Variants in EIF5B observed in about 807,000 individuals in gnomAD.
EIF5B encodes eIF-5B.
In EIF5B, 47 loss-of-function variants were observed where a neutral mutation model predicts 147.5. The observed-to-expected ratio is 0.32, with a 90% CI of 0.25 to 0.41. EIF5B has a LOEUF of 0.41. EIF5B is among the 10% of genes least tolerant of loss of function. The pLI, the probability that EIF5B is intolerant of heterozygous loss-of-function variation, is 1.00. For missense variants in EIF5B, 1,064 were observed against 1,413.2 expected (o/e 0.75, Z 3.96); for synonymous variants, 455 against 456.2 (o/e 1.00, Z 0.03).
In EIF5B at chr2:99,379,057, A is replaced by G. The variant is rs369969083; in HGVS notation, c.1881A>G (p.Glu627=). 9.7e-5 allele frequency: 154 copies of G among 1,590,384 alleles called. No individual in the cohort carries two copies. Among genetic ancestry groups the G allele is most frequent in the Non-Finnish European group, 1.1e-5 (13 of 1,171,180 alleles). The change falls in exon 11 of 24, where the codon GAA becomes GAG. Residue 627 remains glutamate (E), a synonymous_variant. Transcript: ENST00000289371. The part of the protein sequence containing the change: ...RLEHSKNVNT[E]KLRAPIICVL... ...AACATAGTAAAAATGTAAACACCGAAAAGCTAAGAGCCCCTATTATCTGCG... is the reference window on the plus strand; with the variant it reads ...AACATAGTAAAAATGTAAACACCGAGAAGCTAAGAGCCCCTATTATCTGCG...
intron 22 of EIF5B, 138 bp downstream of exon 22, chr2:99,397,036 A>G (rs1265277116): frequency 5.1e-6 from 5 of 977,570 alleles, no homozygotes; most frequent in Admixed American, 7.4e-5. Flanking sequence ...CTTCTTAACA[A>G]ATGTTTCAGT....
intron 1 of EIF5B, chr2:99,340,774 T>C (rs1348178072): frequency 6.6e-6 from 1 of 151,868 alleles, no homozygotes; most frequent in Non-Finnish European, 1.5e-5. Flanking sequence ...TGAAAAATCT[T>C]CTTTTTTTTT....
intron 1 of EIF5B, among the ~76,000 whole-genome samples, chr2:99,350,072 TTAACA>T (rs533982583): frequency 1.3e-3 from 201 of 152,334 alleles, no homozygotes; most frequent in South Asian, 5.4e-3. Flanking sequence ...CATCTTTCAC[TTAACA>T]TAATTACATC....
At chr2:99,376,993 C>T (rs938628853) in intron 10 of EIF5B, among the ~76,000 whole-genome samples, 2 of 152,120 alleles carry the variant, frequency 1.3e-5, no homozygotes, top group Admixed American at 6.5e-5. Context: ...AGGTTAGTCA[C>T]CATGAGGCAT....
At position 99,337,431 on chromosome 2, in the gene EIF5B, C is replaced by G. The variant is rs550981365; in HGVS notation, c.-124C>G. On this transcript the variant is annotated 5_prime_UTR_variant, in exon 1 of 24. Coordinates refer to ENST00000289371, the MANE Select transcript of EIF5B (RefSeq NM_015904.4). ...TTCCAGTGCGCGGGTCTGTGGAGAGCCGGGTGCGAGCGGCGGCAGCACGAG... is the reference window on the plus strand; with the variant it reads ...TTCCAGTGCGCGGGTCTGTGGAGAGGCGGGTGCGAGCGGCGGCAGCACGAG... 1.1e-5 allele frequency: 14 copies of G among 1,240,536 alleles called. No individual in the cohort carries two copies. The highest frequency in any genetic ancestry group is 4.5e-5 in the African/African-American group (3 of 66,876). The allele number at this position is 1,240,536 out of a possible 1,614,324, so 76.8% of individuals were successfully genotyped here. A position where few individuals can be genotyped will look rare whatever the true frequency, so the allele number is the denominator to read the frequency against.
intron 8 of EIF5B, among the ~76,000 whole-genome samples, chr2:99,369,902 G>C (rs532501230): frequency 6.6e-6 from 1 of 152,054 alleles, no homozygotes; most frequent in East Asian, 1.9e-4. Context: ...CTTGAACCTG[G>C]GAGGCAGAGG....
At position 99,362,866 on chromosome 2, in the gene EIF5B, C is replaced by T. The variant is rs568695734; in HGVS notation, c.920-779C>T. Among the ~76,000 whole-genome samples, 6 of 151,828 alleles carry T rather than the reference C, an allele frequency of 4.0e-5. 1 individual carries two copies. In the East Asian group the frequency reaches 1.2e-3, roughly 30 times the overall value. On this transcript the variant is annotated intron_variant, in intron 4 of 23. Transcript: ENST00000289371. ...CTCCTCTTTACAGGTTCGAGTGATT[C>T]TCCTGTCTCAGCCTCCCAAGTAGCT...
chr2:99,385,053 T>C (rs1674772025), intron 14 of EIF5B, among the ~76,000 whole-genome samples: 1 of 147,206 alleles, frequency 6.8e-6, no homozygotes, highest in Non-Finnish European at 1.5e-5. Flanking sequence ...GATAAATTTC[T>C]TTTTTTTTTT....
intron 14 of EIF5B, among the ~76,000 whole-genome samples, chr2:99,386,531 G>A (rs1173232297): frequency 1.3e-5 from 2 of 149,042 alleles, no homozygotes; most frequent in African/African-American, 4.9e-5. Context: ...CTGTGTGTGT[G>A]TGTGTTTTTT....
Position 99,337,393 on chromosome 2 carries a change from C to G in EIF5B, c.-162C>G. 1.2e-6 allele frequency: 1 copy of G among 859,340 alleles called. No homozygotes were observed. Among genetic ancestry groups the G allele is most frequent in the Non-Finnish European group, 1.9e-6 (1 of 533,644 alleles). The allele number at this position is 859,340 out of a possible 1,614,324, so 53.2% of individuals were successfully genotyped here. A position where few individuals can be genotyped will look rare whatever the true frequency, so the allele number is the denominator to read the frequency against. Reference sequence around the variant, plus strand: ...GCGCTTGCGCACTGAGAACTCACACCATATGTGTCCTGTTCCAGTGCGCGG... The same window carrying G: ...GCGCTTGCGCACTGAGAACTCACACGATATGTGTCCTGTTCCAGTGCGCGG... On this transcript the variant is annotated 5_prime_UTR_variant, in exon 1 of 24. Coordinates refer to ENST00000289371, the MANE Select transcript of EIF5B (RefSeq NM_015904.4).
intron 10 of EIF5B, among the ~76,000 whole-genome samples, chr2:99,378,587 A>G (rs1674610274): frequency 6.6e-6 from 1 of 152,198 alleles, no homozygotes. Flanking sequence ...AAATCTTTAA[A>G]ATTCTTAGGT....
At chr2:99,373,479 G>C (rs186987724) in intron 9 of EIF5B, among the ~76,000 whole-genome samples, 3 of 152,214 alleles carry the variant, frequency 2.0e-5, no homozygotes, top group Non-Finnish European at 4.4e-5. Flanking sequence ...ACTTTTCTGC[G>C]GGCGTGAATC....
chr2:99,378,068 G>A (rs984253449), intron 10 of EIF5B, among the ~76,000 whole-genome samples: 4 of 152,064 alleles, frequency 2.6e-5, no homozygotes, highest in Non-Finnish European at 5.9e-5. Context: ...TGAGGTTGTC[G>A]GGTACTACTC....
Position 99,360,253 on chromosome 2 carries a change from A to G in EIF5B, c.53A>G (p.Asp18Gly). Residue 18 changes from aspartate (D) to glycine (G), a missense_variant, in exon 2 of 24, where the codon GAT becomes GGT. Transcript: ENST00000289371. ...CATTTAAGCACCAAGGATGACATTG[A>G]TCTTGATGCCTTGGCTGCAGAAATA... ...KSEDSTKDDI[D>G]LDALAAEIEG... 6.2e-7 allele frequency: 1 copy of G among 1,603,714 alleles called. No homozygotes were observed. The highest frequency in any genetic ancestry group is 8.5e-7 in the Non-Finnish European group (1 of 1,177,088).
chr2:99,354,204 A>T (rs539135514), intron 1 of EIF5B, among the ~76,000 whole-genome samples: 60 of 152,180 alleles, frequency 3.9e-4, no homozygotes, highest in South Asian at 6.2e-4. Context: ...GGTTATTATC[A>T]CTATTATGGG....
At chr2:99,365,797 G>A (rs765448066) in intron 6 of EIF5B, among the ~76,000 whole-genome samples, 4 of 151,900 alleles carry the variant, frequency 2.6e-5, no homozygotes, top group Non-Finnish European at 5.9e-5. Flanking sequence ...GTTCCCTATT[G>A]TCTACTAATA....
chr2:99,338,935 T>C, intron 1 of EIF5B, among the ~76,000 whole-genome samples: 1 of 146,752 alleles, frequency 6.8e-6, no homozygotes, highest in South Asian at 2.1e-4. Context: ...TATATATATA[T>C]ATACAAATAT....
chr2:99,369,497 T>A lies in EIF5B; in HGVS notation c.1477+16T>A, dbSNP rs750386999. ...GTTGAACCAGGCGGGTAGTGTTATC[T>A]GATTATTTAATTAGTGAATTCTTAT... On this transcript the variant is annotated intron_variant, in intron 8 of 23. Transcript: ENST00000289371. The A allele has an allele frequency of 6.3e-7, 1 of 1,586,030 alleles. No individual in the cohort carries two copies. The highest frequency in any genetic ancestry group is 8.6e-7 in the Non-Finnish European group (1 of 1,161,756).
chr2:99,389,611 T>A, intron 14 of EIF5B, 107 bp from the exon 15 acceptor site: 1 of 844,176 alleles, frequency 1.2e-6, no homozygotes, highest in African/African-American at 1.9e-5. Flanking sequence ...TAAGTCACAC[T>A]GTTCTGTATA....
Sources: allele counts gnomAD v4.1 joint callset (sites outside exome capture counted in the v4.1 genomes callset), GRCh38; gene constraint gnomAD v4.1.1; transcripts MANE v1.5; gene names NCBI Gene and HGNC (gene_info 2026-07-23, HGNC 2026-07-21).